Variants in MS4A18 observed in about 807,000 individuals in gnomAD.
MS4A18 encodes membrane spanning 4-domains A18, also known as membrane-spanning 4-domains subfamily A member 18.
MS4A18 carries 27 observed loss-of-function variants against 13.1 expected under a neutral mutation model. The observed-to-expected ratio is 2.06, with a 90% CI of 1.52 to 2.84. The LOEUF (loss-of-function observed/expected upper bound fraction) is 2.84. Among genes scored for constraint, MS4A18 ranks in the 30% most tolerant of loss-of-function variants. MS4A18 has a pLI of 0.00. For synonymous variants in MS4A18, 126 were observed against 76.5 expected, an observed-to-expected ratio of 1.65 and a Z score of -3.38; for missense variants, 307 against 196.4, an observed-to-expected ratio of 1.56 and a Z score of -3.37.
chr11:60,744,111 C>T (rs1853452007), exon 6 of MS4A18: 2 of 612,446 alleles, frequency 3.3e-6, no homozygotes, highest in Non-Finnish European at 5.9e-6. Flanking sequence ...AGCCTTGTTG[C>T]CAGACTGAAA....
At chr11:60,738,292 G>A (rs1853370602) in intron 3 of MS4A18, among the ~76,000 whole-genome samples, 1 of 152,204 alleles carries the variant, frequency 6.6e-6, no homozygotes, top group African/African-American at 2.4e-5. Context: ...TTGAATATGA[G>A]AATTTCCGGT....
upstream of MS4A18, among the ~76,000 whole-genome samples, chr11:60,725,606 AAAG>A (rs986180191): frequency 1.3e-5 from 2 of 152,176 alleles, no homozygotes; most frequent in African/African-American, 4.8e-5. Context: ...TTCACACATT[AAAG>A]AAGGAGTCCT....
rs1247717531 is a variant in MS4A18 at position 60,729,727 on chromosome 11, GC to G, written c.413del (p.Ala138AspfsTer12). The G allele has an allele frequency of 1.4e-6, 1 of 702,738 alleles. No homozygotes were observed. Among genetic ancestry groups the G allele is most frequent in the South Asian group, 1.5e-5 (1 of 67,572 alleles). The allele number at this position is 702,738 out of a possible 1,614,324, so 43.5% of individuals were successfully genotyped here. ...CTCATCCCAGTGGAACACGTCATTT[GC>G]ATCATTTACTTCATTTAATCCCAAG... On this transcript the variant is annotated frameshift_variant, in exon 1 of 6. Transcript: ENST00000529108. LOFTEE classifies it high-confidence loss of function.
At chr11:60,740,969 G>A (rs372758764) in intron 4 of MS4A18, 61 bp from the exon 6 acceptor site, 31 of 701,772 alleles carry the variant, frequency 4.4e-5, no homozygotes, top group African/African-American at 4.2e-4. Flanking sequence ...TCCAAATGTG[G>A]ACTGTCACCT....
intron 3 of MS4A18, among the ~76,000 whole-genome samples, chr11:60,737,572 C>A (rs910226204): frequency 1.3e-5 from 2 of 152,214 alleles, no homozygotes; most frequent in African/African-American, 4.8e-5. Context: ...GCACAGGGCC[C>A]AGAATTCCCT....
chr11:60,739,844 G>C (rs910257760), intron 4 of MS4A18, among the ~76,000 whole-genome samples: 1 of 152,210 alleles, frequency 6.6e-6, no homozygotes, highest in African/African-American at 2.4e-5. Context: ...GAACAAGATC[G>C]AGAGTAGCTA....
intron 1 of MS4A18, among the ~76,000 whole-genome samples, chr11:60,733,066 G>A (rs1853280627): frequency 6.6e-6 from 1 of 152,220 alleles, no homozygotes. Flanking sequence ...AACATCACGT[G>A]TAGGAATGCT....
intron 3 of MS4A18, among the ~76,000 whole-genome samples, chr11:60,737,884 G>A (rs577955192): frequency 6.6e-6 from 1 of 152,266 alleles, no homozygotes; most frequent in East Asian, 1.9e-4. Flanking sequence ...CCCACAATCT[G>A]CCTTGCTTCA....
chr11:60,735,500 ATTTTTTT>A (rs56136215), intron 2 of MS4A18, among the ~76,000 whole-genome samples: 10 of 110,102 alleles, frequency 9.1e-5, no homozygotes, highest in South Asian at 3.3e-4. Context: ...TGCCCGGCTA[ATTTTTTT>A]TTTTTTTTTT....
intron 3 of MS4A18, among the ~76,000 whole-genome samples, chr11:60,737,994 T>C (rs930122535): frequency 6.6e-6 from 1 of 152,212 alleles, no homozygotes; most frequent in African/African-American, 2.4e-5. Context: ...CCATATCCCC[T>C]GGGAAGTCAA....
At chr11:60,734,452 G>C (rs900535551) in intron 2 of MS4A18, among the ~76,000 whole-genome samples, 14 of 152,266 alleles carry the variant, frequency 9.2e-5, no homozygotes, top group African/African-American at 2.9e-4. Flanking sequence ...ATCAACACGT[G>C]CTCCAAATCA....
intron 5 of MS4A18, 35 bp downstream of exon 6, chr11:60,741,178 T>C (rs1475848883): frequency 1.4e-6 from 1 of 702,992 alleles, no homozygotes; most frequent in East Asian, 2.7e-5. Context: ...AATCAGATCA[T>C]GCTCTGGAGT....
upstream of MS4A18, among the ~76,000 whole-genome samples, chr11:60,727,967 T>C (rs1232974388): frequency 6.6e-6 from 1 of 152,212 alleles, no homozygotes; most frequent in Non-Finnish European, 1.5e-5. Flanking sequence ...CTTTTTCTAA[T>C]GCTCAAGATT....
chr11:60,727,120 C>T (rs1423119445), upstream of MS4A18, among the ~76,000 whole-genome samples: 2 of 152,128 alleles, frequency 1.3e-5, no homozygotes, highest in African/African-American at 4.8e-5. Context: ...CATAGTATTC[C>T]ATGGTGTATA....
chr11:60,742,525 T>G (rs756149299), intron 5 of MS4A18, among the ~76,000 whole-genome samples: 6 of 152,228 alleles, frequency 3.9e-5, no homozygotes, highest in Non-Finnish European at 7.3e-5. Flanking sequence ...GGATTAGGCT[T>G]CTGTGAGACC....
chr11:60,725,427 C>A (rs1853140611), upstream of MS4A18, among the ~76,000 whole-genome samples: 2 of 152,068 alleles, frequency 1.3e-5, no homozygotes, highest in South Asian at 2.1e-4. Context: ...ATCTCCTGAC[C>A]TCGTGATCTG....
upstream of MS4A18, among the ~76,000 whole-genome samples, chr11:60,728,681 G>T (rs183542958): frequency 1.3e-5 from 2 of 150,276 alleles, no homozygotes; most frequent in Non-Finnish European, 3.0e-5. Context: ...CTTCCCTCTC[G>T]CTCTCTCTTT....
downstream of MS4A18, among the ~76,000 whole-genome samples, chr11:60,744,895 T>C (rs1477907287): frequency 6.6e-6 from 1 of 152,234 alleles, no homozygotes; most frequent in Non-Finnish European, 1.5e-5. Flanking sequence ...GTTGTTAGGA[T>C]GTAAATGGCA....
exon 3 of MS4A18, chr11:60,737,028 T>A (rs1853352979): frequency 1.4e-6 from 1 of 702,688 alleles, no homozygotes; most frequent in South Asian, 1.5e-5. Flanking sequence ...ACCCCAGTCC[T>A]TGTGTGGTAA....
Sources: allele counts gnomAD v4.1 joint callset (sites outside exome capture counted in the v4.1 genomes callset), GRCh38; gene constraint gnomAD v4.1.1; transcripts MANE v1.5; gene names NCBI Gene and HGNC (gene_info 2026-07-23, HGNC 2026-07-21).